BRINP3: variants seen among roughly 807,000 people sequenced by gnomAD.
The protein encoded by BRINP3 is BMP/retinoic acid inducible neural specific 3, also known as BMP/retinoic acid-inducible neural-specific protein 3.
A neutral mutation model predicts 71.0 loss-of-function variants in BRINP3; 19 were observed. The ratio of observed to expected loss-of-function variants is 0.27; its 90% CI spans 0.19 to 0.39. BRINP3 has a LOEUF of 0.39. BRINP3 is among the 10% of genes least tolerant of loss of function. BRINP3 has a pLI of 1.00. For synonymous variants in BRINP3, 380 were observed against 337.7 expected (o/e 1.13, Z -1.37); for missense variants, 959 against 940.8 (o/e 1.02, Z -0.25).
At chr1:190,201,166 T>G (rs752671853) in intron 6 of BRINP3, among the ~76,000 whole-genome samples, 1 of 152,044 alleles carries the variant, frequency 6.6e-6, no homozygotes, top group Non-Finnish European at 1.5e-5. Context: ...ATATGAACAA[T>G]AAGCTGAGGT....
intron 4 of BRINP3, among the ~76,000 whole-genome samples, chr1:190,248,065 T>A (rs1175559328): frequency 3.3e-5 from 5 of 151,858 alleles, no homozygotes; most frequent in Non-Finnish European, 1.5e-5. Context: ...ATGGTTTCTT[T>A]TTTATTCTGG....
At chr1:190,152,604 A>G (rs1286024165) in intron 7 of BRINP3, among the ~76,000 whole-genome samples, 3 of 149,312 alleles carry the variant, frequency 2.0e-5, no homozygotes, top group Non-Finnish European at 4.4e-5. Flanking sequence ...TATCTAAAAA[A>G]AGTGCCTCTA....
At chr1:190,464,864 T>A (rs1174223146) in intron 1 of BRINP3, among the ~76,000 whole-genome samples, 1 of 152,044 alleles carries the variant, frequency 6.6e-6, no homozygotes, top group African/African-American at 2.4e-5. Context: ...TTTTAGCTGA[T>A]CAGGCAATAT....
chr1:190,377,515 A>C lies in BRINP3; in HGVS notation c.236+77140T>G, dbSNP rs114147409. Among the ~76,000 whole-genome samples the C allele has an allele frequency of 8.7e-3, 1,315 of 151,120 alleles. 13 individuals are homozygous for C. Among genetic ancestry groups the C allele is most frequent in the African/African-American group, 0.029 (1,200 of 41,320 alleles). ...AGAAATTACATCCAAACTGAAAAGA[A>C]GAAGTGAAACTATCTCTACTTGCAG... On this transcript the variant is annotated intron_variant, in intron 2 of 7. Coordinates refer to ENST00000367462, the MANE Select transcript of BRINP3 (RefSeq NM_199051.3).
chr1:190,151,206 G>A (rs907984290), intron 7 of BRINP3, among the ~76,000 whole-genome samples: 4 of 152,030 alleles, frequency 2.6e-5, no homozygotes, highest in Non-Finnish European at 5.9e-5. Context: ...CAGTTTAAAA[G>A]GCATCCACTT....
intron 6 of BRINP3, among the ~76,000 whole-genome samples, chr1:190,215,852 G>A (rs868271298): frequency 8.6e-5 from 13 of 151,966 alleles, no homozygotes; most frequent in Middle Eastern, 3.4e-3. Flanking sequence ...TATTCTATAT[G>A]CCAAGTGGTA....
rs573602746 is a variant in BRINP3, at chr1:190,139,830, T to C, written c.1184+20838A>G. ...TCTCATGTTTGTAGGCCCAATATTA[T>C]ATCTATGGTAAACATGTTTTGGATA... On this transcript the variant is annotated intron_variant, in intron 7 of 7. Coordinates refer to ENST00000367462, the MANE Select transcript of BRINP3 (RefSeq NM_199051.3). Among the ~76,000 whole-genome samples the C allele has an allele frequency of 7.2e-5, 11 of 152,340 alleles. No individual in the cohort carries two copies. In the East Asian group the frequency reaches 1.7e-3, roughly 24 times the overall value.
intron 2 of BRINP3, among the ~76,000 whole-genome samples, chr1:190,384,818 G>T (rs1045320812): frequency 2.6e-5 from 4 of 151,750 alleles, no homozygotes; most frequent in Non-Finnish European, 5.9e-5. Context: ...CTATTATATT[G>T]TAATAGATTA....
chr1:190,143,664 C>G (rs1193142789), intron 7 of BRINP3, among the ~76,000 whole-genome samples: 2 of 152,088 alleles, frequency 1.3e-5, no homozygotes, highest in Non-Finnish European at 2.9e-5. Flanking sequence ...GAACACCAGC[C>G]CATCAGAATG....
chr1:190,382,684 T>A (rs1170284903), intron 2 of BRINP3, among the ~76,000 whole-genome samples: 1 of 152,170 alleles, frequency 6.6e-6, no homozygotes, highest in Non-Finnish European at 1.5e-5. Flanking sequence ...CAAATGCCCT[T>A]CTAATGAACT....
chr1:190,432,674 A>C (rs1674179071), intron 2 of BRINP3, among the ~76,000 whole-genome samples: 1 of 152,198 alleles, frequency 6.6e-6, no homozygotes, highest in Admixed American at 6.5e-5. Context: ...TTCTGAGTCT[A>C]CAGGACTAAA....
intron 4 of BRINP3, among the ~76,000 whole-genome samples, chr1:190,240,477 G>A (rs1196171950): frequency 6.6e-6 from 1 of 150,916 alleles, no homozygotes; most frequent in Non-Finnish European, 1.5e-5. Context: ...AAAACAGTTT[G>A]TTTCAAACAG....
rs150229493 is a variant in BRINP3, at chr1:190,398,234, C to T, written c.236+56421G>A. Among the ~76,000 whole-genome samples, 942 of 151,812 alleles carry T rather than the reference C, an allele frequency of 6.2e-3. 8 individuals are homozygous for T. The highest frequency in any genetic ancestry group is 0.021 in the African/African-American group (867 of 41,436). On this transcript the variant is annotated intron_variant, in intron 2 of 7. Coordinates refer to ENST00000367462, the MANE Select transcript of BRINP3 (RefSeq NM_199051.3). ...GAGTAAAAAGGAGTTGTACAATTTG[C>T]TTTGGGGATGAAGAGTGTGAAAGAT...
At chr1:190,376,940 T>C (rs926126624) in intron 2 of BRINP3, among the ~76,000 whole-genome samples, 7 of 152,024 alleles carry the variant, frequency 4.6e-5, no homozygotes, top group African/African-American at 1.7e-4. Flanking sequence ...CCAGTAAATT[T>C]TTTTGCAATT....
chr1:190,111,199 A>AAAAAAC lies in BRINP3; in HGVS notation c.1185-12066_1185-12065insGTTTTT, dbSNP rs1553241585. ...GACTCCATTAAAAAAAAAAAAAAAA[A>AAAAAAC]AAAAAAAAACTTTAGAACTTTAATT... is the stretch of plus-strand genomic sequence containing the variant. On this transcript the variant is annotated intron_variant, in intron 7 of 7. Transcript: ENST00000367462. Among the ~76,000 whole-genome samples, 173 of 149,492 alleles carry AAAAAAC rather than the reference A, an allele frequency of 1.2e-3. 7 individuals are homozygous for AAAAAAC. The highest frequency in any genetic ancestry group is 3.8e-3 in the African/African-American group (150 of 39,690).
intron 1 of BRINP3, among the ~76,000 whole-genome samples, chr1:190,467,722 A>C (rs1471577349): frequency 6.6e-6 from 1 of 151,592 alleles, no homozygotes. Flanking sequence ...ACTTGTCAAT[A>C]CATTAATTTA....
intron 2 of BRINP3, among the ~76,000 whole-genome samples, chr1:190,439,228 T>G (rs1211398209): frequency 6.6e-6 from 1 of 151,818 alleles, no homozygotes. Context: ...GAGAAAAAAG[T>G]GTTGCTCATA....
chr1:190,335,285 A>G (rs1174666836), intron 2 of BRINP3, among the ~76,000 whole-genome samples: 2 of 151,918 alleles, frequency 1.3e-5, no homozygotes, highest in East Asian at 3.9e-4. Context: ...ATTTTAGGAT[A>G]TTTCTTCAGT....
chr1:190,287,834 T>A (rs1397016213), intron 2 of BRINP3, among the ~76,000 whole-genome samples: 5 of 152,096 alleles, frequency 3.3e-5, no homozygotes, highest in African/African-American at 1.2e-4. Flanking sequence ...ACACTTCAGA[T>A]TTTTAAAATA....
Sources: gnomAD v4.1 joint callset for allele counts (sites outside exome capture counted in the v4.1 genomes callset) on GRCh38, gnomAD v4.1.1 for gene constraint, MANE v1.5 for transcripts, NCBI Gene and HGNC (gene_info 2026-07-23, HGNC 2026-07-21) for gene names.